Variants in KCNN2 observed in about 807,000 individuals in gnomAD.
KCNN2 encodes the protein potassium calcium-activated channel subfamily N member 2.
In KCNN2, 24 loss-of-function variants were observed where a neutral mutation model predicts 55.5. That is an observed-to-expected ratio of 0.43 (90% confidence interval 0.31 to 0.61). KCNN2 has a LOEUF of 0.61. Among genes scored for constraint, KCNN2 ranks in the 20% least tolerant of loss-of-function variants. The pLI is 0.08. For synonymous variants in KCNN2, 431 were observed against 336.1 expected (o/e 1.28, Z -3.09); for missense variants, 754 against 853.6 (o/e 0.88, Z 1.45).
At chr5:114,163,318 C>T (rs1356236520) in intron 1 of KCNN2, among the ~76,000 whole-genome samples, 1 of 152,094 alleles carries the variant, frequency 6.6e-6, no homozygotes, top group Non-Finnish European at 1.5e-5. Context: ...CCGGAACTTC[C>T]AATACTATGT....
intron 4 of KCNN2, among the ~76,000 whole-genome samples, chr5:114,466,225 C>A (rs1761440844): frequency 6.6e-6 from 1 of 152,032 alleles, no homozygotes; most frequent in South Asian, 2.1e-4. Context: ...TCTTTTTATT[C>A]TTCTACCCTT....
rs1755930824 is a variant in KCNN2, at chr5:114,293,105, G to C, written c.-184-67840G>C. ...GGAGATTTTGGGCTGAGACAATGGGGTTTTCTAGATATACAATCATGTCAT... is the reference window on the plus strand; with the variant it reads ...GGAGATTTTGGGCTGAGACAATGGGCTTTTCTAGATATACAATCATGTCAT... On this transcript the variant is annotated intron_variant, in intron 2 of 10. Transcript: ENST00000512097. 2.6e-5 allele frequency among the ~76,000 whole-genome samples: 4 copies of C among 152,176 alleles called. No homozygotes were observed. The South Asian group carries it at 8.3e-4, about 31-fold the overall frequency.
intron 2 of KCNN2, among the ~76,000 whole-genome samples, chr5:114,244,290 T>C (rs940548680): frequency 2.0e-5 from 3 of 150,608 alleles, no homozygotes; most frequent in African/African-American, 7.4e-5. Flanking sequence ...AAGAGCAAGA[T>C]GGAATTTTTT....
chr5:114,240,386 T>C (rs1303898257), intron 2 of KCNN2, among the ~76,000 whole-genome samples: 6 of 151,154 alleles, frequency 4.0e-5, no homozygotes, highest in African/African-American at 1.5e-4. Context: ...ACTGTTAATA[T>C]TATATTTTAA....
At chr5:114,237,601 A>T (rs568032812) in intron 2 of KCNN2, among the ~76,000 whole-genome samples, 173 of 150,800 alleles carry the variant, frequency 1.1e-3, no homozygotes, top group African/African-American at 4.0e-3. Context: ...TTATCTCTAA[A>T]TTTTTTTTTT....
At chr5:114,110,072 C>T (rs1751564747) in intron 1 of KCNN2, among the ~76,000 whole-genome samples, 1 of 152,052 alleles carries the variant, frequency 6.6e-6, no homozygotes, top group African/African-American at 2.4e-5. Flanking sequence ...TAATGTTACT[C>T]CCCTCTAATG....
chr5:114,363,589 C>T (rs1156852599), intron 1 of KCNN2, among the ~76,000 whole-genome samples: 1 of 152,184 alleles, frequency 6.6e-6, no homozygotes, highest in Non-Finnish European at 1.5e-5. Flanking sequence ...CCCTTTCAAC[C>T]CGCTCTCTTG....
At chr5:114,457,265 A>T (rs139205216) in intron 3 of KCNN2, among the ~76,000 whole-genome samples, 80 of 152,318 alleles carry the variant, frequency 5.3e-4, no homozygotes, top group African/African-American at 1.8e-3. Flanking sequence ...CAGAAAAAAG[A>T]TTATGACTCA....
chr5:114,463,246 C>G, intron 4 of KCNN2, 56 bp downstream of exon 4: 1 of 1,400,108 alleles, frequency 7.1e-7, no homozygotes, highest in Non-Finnish European at 9.9e-7. Flanking sequence ...GGCACTTAAA[C>G]CACTCAGTCC....
intron 2 of KCNN2, among the ~76,000 whole-genome samples, chr5:114,292,283 T>C (rs1048957652): frequency 6.6e-6 from 1 of 152,252 alleles, no homozygotes; most frequent in African/African-American, 2.4e-5. Context: ...ATGGCCTGAA[T>C]GGCATTGCCT....
At chr5:114,210,266 G>T (rs992870206) in intron 1 of KCNN2, among the ~76,000 whole-genome samples, 10 of 152,108 alleles carry the variant, frequency 6.6e-5, no homozygotes, top group African/African-American at 2.4e-4. Context: ...ATTTTCTTGA[G>T]TTTAATGTTA....
chr5:114,334,495 G>A (rs1028530803), intron 2 of KCNN2, among the ~76,000 whole-genome samples: 5 of 151,732 alleles, frequency 3.3e-5, no homozygotes, highest in African/African-American at 7.3e-5. Context: ...ATATATATAC[G>A]CACATACATA....
chr5:114,470,080 G>A (rs916351662), intron 4 of KCNN2, among the ~76,000 whole-genome samples: 5 of 152,126 alleles, frequency 3.3e-5, no homozygotes, highest in African/African-American at 1.2e-4. Context: ...CATTTTTAAT[G>A]CATGTCTTAG....
At chr5:114,209,378 T>A (rs1402975123) in intron 1 of KCNN2, among the ~76,000 whole-genome samples, 1 of 151,990 alleles carries the variant, frequency 6.6e-6, no homozygotes, top group African/African-American at 2.4e-5. Flanking sequence ...TTCTTCTTAC[T>A]CTTCATCTCC....
intron 1 of KCNN2, among the ~76,000 whole-genome samples, chr5:114,209,747 T>C (rs1753842324): frequency 6.6e-6 from 1 of 152,194 alleles, no homozygotes. Flanking sequence ...TTCAGCTTTC[T>C]TTCTCCTAAA....
At chr5:114,442,343 G>C (rs1760249798) in intron 3 of KCNN2, among the ~76,000 whole-genome samples, 1 of 151,544 alleles carries the variant, frequency 6.6e-6, no homozygotes, top group Non-Finnish European at 1.5e-5. Flanking sequence ...GTTCATTGAA[G>C]TTTGGAGGAC....
intron 3 of KCNN2, among the ~76,000 whole-genome samples, chr5:114,408,623 G>A (rs948498278): frequency 2.0e-5 from 3 of 151,988 alleles, no homozygotes; most frequent in Non-Finnish European, 4.4e-5. Flanking sequence ...ATAAAGATAA[G>A]CCCTAATTAA....
At chr5:114,188,247 G>A (rs1753379641) in intron 1 of KCNN2, among the ~76,000 whole-genome samples, 1 of 152,312 alleles carries the variant, frequency 6.6e-6, no homozygotes, top group Non-Finnish European at 1.5e-5. Context: ...AATCCTGGCT[G>A]TAACTATTTG....
chr5:114,134,231 T>C (rs1247258063), intron 1 of KCNN2, among the ~76,000 whole-genome samples: 1 of 151,080 alleles, frequency 6.6e-6, no homozygotes, highest in Non-Finnish European at 1.5e-5. Flanking sequence ...TAAATTACCA[T>C]CTAGTATAGC....
Sources: gnomAD v4.1 joint callset for allele counts (sites outside exome capture counted in the v4.1 genomes callset) on GRCh38, gnomAD v4.1.1 for gene constraint, MANE v1.5 for transcripts, NCBI Gene and HGNC (gene_info 2026-07-23, HGNC 2026-07-21) for gene names.